Variants in CSMD1 observed in about 807,000 individuals in gnomAD.
The protein encoded by CSMD1 is CUB and sushi domain-containing protein 1.
A neutral mutation model predicts 417.5 loss-of-function variants in CSMD1; 213 were observed. That is an observed-to-expected ratio of 0.51 (90% confidence interval 0.46 to 0.57). The LOEUF (loss-of-function observed/expected upper bound fraction) is 0.57. Among genes scored for constraint, CSMD1 ranks in the 20% least tolerant of loss-of-function variants. The pLI is 0.00. For missense variants in CSMD1, 6,923 were observed against 4,529.7 expected, an observed-to-expected ratio of 1.53 and a Z score of -15.17; for synonymous variants, 2,862 against 1,736.8, an observed-to-expected ratio of 1.65 and a Z score of -16.11.
intron 3 of CSMD1, among the ~76,000 whole-genome samples, chr8:4,097,413 C>A (rs1045709387): frequency 9.2e-5 from 14 of 152,154 alleles, no homozygotes; most frequent in Non-Finnish European, 2.1e-4. Flanking sequence ...CACACATGAA[C>A]GTTGTATACA....
At chr8:3,046,067 G>C (rs72621189) in intron 50 of CSMD1, among the ~76,000 whole-genome samples, 41,431 of 152,050 alleles carry the variant, frequency 0.27, 6,080 homozygotes, top group East Asian at 0.35. Context: ...GGAGAAAGGA[G>C]CTCAAAATAA....
chr8:3,423,065 AT>A (rs1357095077), intron 12 of CSMD1, among the ~76,000 whole-genome samples: 1 of 152,236 alleles, frequency 6.6e-6, no homozygotes, highest in Non-Finnish European at 1.5e-5. Flanking sequence ...AGTCCTATGT[AT>A]TTAAAAAATA....
intron 12 of CSMD1, among the ~76,000 whole-genome samples, chr8:3,467,762 T>C (rs896057452): frequency 4.6e-5 from 7 of 152,202 alleles, no homozygotes; most frequent in Admixed American, 3.9e-4. Flanking sequence ...CAATGTCCCT[T>C]ACCATGCTTG....
At position 4,689,889 on chromosome 8, in the gene CSMD1, G is replaced by A. The variant is rs115837203; in HGVS notation, c.86-52331C>T. Reference sequence around the variant, plus strand: ...TATGAATGATTAAAACTACTATGGAGGTAAGAAGGAAAGCCTGTTTTAATA... The same window carrying A: ...TATGAATGATTAAAACTACTATGGAAGTAAGAAGGAAAGCCTGTTTTAATA... On this transcript the variant is annotated intron_variant, in intron 1 of 69. Transcript: ENST00000635120. Among the ~76,000 whole-genome samples the A allele has an allele frequency of 2.3e-3, 353 of 152,222 alleles. 4 individuals are homozygous for A. Among genetic ancestry groups the A allele is most frequent in the African/African-American group, 8.3e-3 (343 of 41,520 alleles).
At chr8:3,902,853 T>A (rs1317181015) in intron 5 of CSMD1, among the ~76,000 whole-genome samples, 2 of 147,692 alleles carry the variant, frequency 1.4e-5, no homozygotes, top group Admixed American at 6.7e-5. Context: ...ACTGAATAAA[T>A]AGTAGCTACA....
At chr8:3,016,899 C>T (rs889868795) in intron 52 of CSMD1, among the ~76,000 whole-genome samples, 11 of 152,162 alleles carry the variant, frequency 7.2e-5, no homozygotes, top group African/African-American at 1.2e-4. Flanking sequence ...ATCCTTTCTA[C>T]TCCAAAACCC....
At chr8:3,801,663 C>G (rs751300210) in intron 5 of CSMD1, among the ~76,000 whole-genome samples, 25 of 152,212 alleles carry the variant, frequency 1.6e-4, no homozygotes, top group Non-Finnish European at 3.5e-4. Context: ...AACACAAAAA[C>G]TAGTGGGCAA....
At chr8:3,555,407 C>T (rs1799101085) in intron 10 of CSMD1, among the ~76,000 whole-genome samples, 1 of 152,050 alleles carries the variant, frequency 6.6e-6, no homozygotes, top group African/African-American at 2.4e-5. Context: ...GCCAAATCAT[C>T]CCACCTGCTC....
intron 5 of CSMD1, among the ~76,000 whole-genome samples, chr8:3,801,420 A>G (rs185092608): frequency 1.2e-4 from 19 of 152,180 alleles, no homozygotes; most frequent in Non-Finnish European, 2.5e-4. Flanking sequence ...AAAAGCCACA[A>G]TGAGATACCA....
intron 1 of CSMD1, among the ~76,000 whole-genome samples, chr8:4,723,184 G>T (rs865912163): frequency 5.9e-5 from 9 of 152,096 alleles, no homozygotes; most frequent in Admixed American, 2.0e-4. Flanking sequence ...GTCTCATGGG[G>T]AACCCGCCAG....
rs543527587 is a variant in CSMD1 at position 4,975,217 on chromosome 8, T to C, written c.85+19115A>G. ...ACGGTGACTTTTCTTTCCAAAGTTA[T>C]GAAAATATCAGAAAAAAAGTCTCCA... is the stretch of plus-strand genomic sequence containing the variant. On this transcript the variant is annotated intron_variant, in intron 1 of 69. Coordinates refer to ENST00000635120, the MANE Select transcript of CSMD1 (RefSeq NM_033225.6). Among the ~76,000 whole-genome samples the C allele has an allele frequency of 3.3e-5, 5 of 152,278 alleles. No individual in the cohort carries two copies. In the South Asian group the frequency reaches 8.3e-4, roughly 25 times the overall value.
chr8:3,975,851 G>T (rs905060295), intron 5 of CSMD1, among the ~76,000 whole-genome samples: 1 of 152,038 alleles, frequency 6.6e-6, no homozygotes, highest in Non-Finnish European at 1.5e-5. Context: ...TTTAGTTATT[G>T]TTGTCCTTCA....
chr8:4,761,894 C>T (rs4092578), intron 1 of CSMD1, among the ~76,000 whole-genome samples: 11,621 of 79,910 alleles, frequency 0.15, 681 homozygotes, highest in Non-Finnish European at 0.16. Flanking sequence ...TATCTACCTA[C>T]CTATCTATCT....
chr8:3,734,486 G>A (rs1359114642), intron 6 of CSMD1, among the ~76,000 whole-genome samples: 1 of 152,154 alleles, frequency 6.6e-6, no homozygotes, highest in African/African-American at 2.4e-5. Flanking sequence ...TGAGGTGGGT[G>A]GATCCCTTGA....
intron 5 of CSMD1, among the ~76,000 whole-genome samples, chr8:3,850,245 A>C (rs1340181475): frequency 2.0e-5 from 3 of 152,254 alleles, no homozygotes; most frequent in African/African-American, 7.2e-5. Flanking sequence ...ATAAAAAACC[A>C]ATAGGTAAGT....
intron 5 of CSMD1, among the ~76,000 whole-genome samples, chr8:3,862,321 C>T (rs1026946808): frequency 6.6e-6 from 1 of 152,198 alleles, no homozygotes; most frequent in African/African-American, 2.4e-5. Flanking sequence ...GTCATCTGCC[C>T]AAGGGCGTCC....
chr8:3,921,538 A>C (rs1461723688), intron 5 of CSMD1, among the ~76,000 whole-genome samples: 1 of 151,782 alleles, frequency 6.6e-6, no homozygotes, highest in African/African-American at 2.4e-5. Flanking sequence ...ATTTCTGTAA[A>C]CTTCCCTCTT....
intron 2 of CSMD1, among the ~76,000 whole-genome samples, chr8:4,600,896 G>A (rs1800544304): frequency 2.0e-5 from 3 of 151,598 alleles, no homozygotes; most frequent in South Asian, 2.1e-4. Context: ...TGTTGAGGAA[G>A]CTAAGAAAAA....
chr8:4,120,767 T>G (rs1802441869), intron 3 of CSMD1, among the ~76,000 whole-genome samples: 2 of 152,182 alleles, frequency 1.3e-5, no homozygotes, highest in Admixed American at 1.3e-4. Flanking sequence ...GGACACCTAG[T>G]TAAAACATGT....
Sources: gnomAD v4.1 joint callset for allele counts (sites outside exome capture counted in the v4.1 genomes callset) on GRCh38, gnomAD v4.1.1 for gene constraint, MANE v1.5 for transcripts, NCBI Gene and HGNC (gene_info 2026-07-23, HGNC 2026-07-21) for gene names.